SPEM2: variants seen among roughly 807,000 people sequenced by gnomAD.
SPEM2 encodes uncharacterized protein SPEM2.
Under a neutral mutation model 9.3 loss-of-function variants are expected in SPEM2, and 15 were observed. The ratio of observed to expected loss-of-function variants is 1.62; its 90% CI spans 1.08 to 2.50. The LOEUF (loss-of-function observed/expected upper bound fraction) is 2.50, where lower values mean the gene tolerates loss of function less well. SPEM2 is among the 30% of genes most tolerant of loss of function. SPEM2 has a pLI of 0.00. For missense variants in SPEM2, 678 were observed against 690.0 expected (o/e 0.98, Z 0.19); for synonymous variants, 268 against 272.4 (o/e 0.98, Z 0.16).
chr17:7,426,912 G>C lies in SPEM2; in HGVS notation c.921G>C (p.Leu307=), dbSNP rs374526288. The change falls in exon 3 of 3, where the codon CTG becomes CTC. Residue 307 remains leucine, a synonymous_variant. Coordinates refer to ENST00000333870, the MANE Select transcript of SPEM2 (RefSeq NM_175734.5). This position sits in a 1 kb window ranked among gnomAD's most constrained non-coding sequence, Gnocchi z 5.3. ...HSPYPSVGWM[L]YDSWDQRRRG... ...CTTACCCCTCAGTGGGCTGGATGCTGTATGACTCCTGGGATCAGCGGCGTC... is the reference window on the plus strand; with the variant it reads ...CTTACCCCTCAGTGGGCTGGATGCTCTATGACTCCTGGGATCAGCGGCGTC... The C allele has an allele frequency of 1.7e-5, 28 of 1,613,260 alleles. No individual in the cohort carries two copies. The highest frequency in any genetic ancestry group is 2.4e-5 in the Non-Finnish European group (28 of 1,180,018).
chr17:7,426,784 T>C lies in SPEM2; in HGVS notation c.793T>C (p.Ser265Pro). 1 of 1,602,596 alleles carries C rather than the reference T, an allele frequency of 6.2e-7. No individual in the cohort carries two copies. Among genetic ancestry groups the C allele is most frequent in the South Asian group, 1.1e-5 (1 of 89,576 alleles). ...GTCCTATGGGCGCCACGGTTCCCAA[T>C]CCCGACTGTGGGGCAATGTGGAGGC... ...LQSYGRHGSQ[S>P]RLWGNVEAEQ... The change falls in exon 3 of 3, where the codon TCC becomes CCC. Residue 265 changes from serine (S) to proline (P), a missense_variant. Ser to Pro is a moderately conservative substitution (Grantham distance 74). Transcript: ENST00000333870. This position sits in a 1 kb window ranked among gnomAD's most constrained non-coding sequence, Gnocchi z 5.3.
chr17:7,425,954 C>CGA, intron 1 of SPEM2, 39 bp from the exon 2 acceptor site: 1 of 1,613,482 alleles, frequency 6.2e-7, no homozygotes, highest in East Asian at 2.2e-5. Flanking sequence ...GTGCTGGGCG[C>CGA]GGAGGGCCTG....
Position 7,426,151 on chromosome 17 carries a change from C to A in SPEM2, c.197-37C>A. 1 of 1,613,596 alleles carries A rather than the reference C, an allele frequency of 6.2e-7. No homozygotes were observed. The highest frequency in any genetic ancestry group is 8.5e-7 in the Non-Finnish European group (1 of 1,179,664). On this transcript the variant is annotated intron_variant, in intron 2 of 2. Coordinates refer to ENST00000333870, the MANE Select transcript of SPEM2 (RefSeq NM_175734.5). This position sits in a 1 kb window ranked among gnomAD's most constrained non-coding sequence, Gnocchi z 5.3. ...TGTTCCCAACCTTGAGCTCTTCTGA[C>A]AATTGCCCTGACTTCATGGACTCTT...
chr17:7,426,301 T>G lies in SPEM2; in HGVS notation c.310T>G (p.Tyr104Asp). The G allele has an allele frequency of 6.2e-7, 1 of 1,614,160 alleles. No individual in the cohort carries two copies. Among genetic ancestry groups the G allele is most frequent in the South Asian group, 1.1e-5 (1 of 91,084 alleles). The change falls in exon 3 of 3, where the codon TAC (tyrosine) becomes GAC (aspartate). Residue 104 changes from tyrosine (Y) to aspartate (D), a missense_variant. Tyr to Asp is a radical substitution (Grantham distance 160, BLOSUM62 -3). Coordinates refer to ENST00000333870, the MANE Select transcript of SPEM2 (RefSeq NM_175734.5). The surrounding 1 kb of genome is among the most constrained non-coding windows in gnomAD (Gnocchi z 5.3). ...VQVKMSRPTQYSSFSCHHFSN... is the reference protein window; with the variant it reads ...VQVKMSRPTQDSSFSCHHFSN... ...GGTGAAGATGTCCCGACCCACGCAG[T>G]ACTCCTCTTTCTCCTGCCACCATTT...
At position 7,427,446 on chromosome 17, in the gene SPEM2, C is replaced by A; in HGVS notation, c.1455C>A (p.Thr485=). ...CCAGCTCACTGCCACCGGCTTCCAC[C>A]TCCACCTTGAGGCCCTCTCTGCACA... is the stretch of plus-strand genomic sequence containing the variant. ...ARSSSLPPAS[T]STLRPSLHRS... The change falls in exon 3 of 3, where the codon ACC becomes ACA. Residue 485 remains threonine (T), a synonymous_variant. Transcript: ENST00000333870. The surrounding 1 kb of genome is among the most constrained non-coding windows in gnomAD (Gnocchi z 5.4). The A allele has an allele frequency of 6.2e-7, 1 of 1,605,316 alleles. No homozygotes were observed.
chr17:7,426,176 T>C lies in SPEM2; in HGVS notation c.197-12T>C. 6.2e-7 allele frequency: 1 copy of C among 1,613,094 alleles called. No individual in the cohort carries two copies. The highest frequency in any genetic ancestry group is 1.1e-5 in the South Asian group (1 of 91,056). On this transcript the variant is annotated splice_polypyrimidine_tract_variant and intron_variant, in intron 2 of 2. Transcript: ENST00000333870. The surrounding 1 kb of genome is among the most constrained non-coding windows in gnomAD (Gnocchi z 5.3). ...CAATTGCCCTGACTTCATGGACTCTTGCCTTCCCCAGATGAAATTCAGGCC... is the reference window on the plus strand; with the variant it reads ...CAATTGCCCTGACTTCATGGACTCTCGCCTTCCCCAGATGAAATTCAGGCC...
chr17:7,426,022 C>G lies in SPEM2; in HGVS notation c.168C>G (p.Asp56Glu). 6.2e-7 allele frequency: 1 copy of G among 1,614,208 alleles called. No homozygotes were observed. Among genetic ancestry groups the G allele is most frequent in the African/African-American group, 1.3e-5 (1 of 75,056 alleles). Reference protein sequence around the residue: ...MMWHGLQNALDKMIDWATQKN... With the variant: ...MMWHGLQNALEKMIDWATQKN... ...GGCATGGACTCCAGAACGCCTTAGA[C>G]AAGATGATTGATTGGGCTACTCAGA... Residue 56 changes from aspartate (D) to glutamate (E), a missense_variant, in exon 2 of 3, where the codon GAC (aspartate) becomes GAG (glutamate). Physicochemically the swap from Asp to Glu is conservative, Grantham distance 45. Coordinates refer to ENST00000333870, the MANE Select transcript of SPEM2 (RefSeq NM_175734.5). The surrounding 1 kb of genome is among the most constrained non-coding windows in gnomAD (Gnocchi z 5.3).
rs763672128 is a variant in SPEM2, at chr17:7,427,437, G to A, written c.1446G>A (p.Pro482=). The A allele has an allele frequency of 3.2e-5, 51 of 1,607,964 alleles. 1 individual carries two copies. The highest frequency in any genetic ancestry group is 3.7e-5 in the Non-Finnish European group (44 of 1,176,294). ...GAGCCAGGTCCAGCTCACTGCCACC[G>A]GCTTCCACCTCCACCTTGAGGCCCT... ...KSRARSSSLP[P]ASTSTLRPSL... is the part of the protein sequence containing the mutation. The change falls in exon 3 of 3, where the codon CCG becomes CCA. Residue 482 remains proline (P), a synonymous_variant. Transcript: ENST00000333870. This position sits in a 1 kb window ranked among gnomAD's most constrained non-coding sequence, Gnocchi z 5.4.
chr17:7,426,962 C>T lies in SPEM2; in HGVS notation c.971C>T (p.Pro324Leu), dbSNP rs751726895. 3 of 1,612,272 alleles carry T rather than the reference C, an allele frequency of 1.9e-6. No individual in the cohort carries two copies. Among genetic ancestry groups the T allele is most frequent in the Admixed American group, 1.7e-5 (1 of 59,968 alleles). Residue 324 changes from proline (P) to leucine (L), a missense_variant, in exon 3 of 3, where the codon CCC becomes CTC. By Grantham distance (98) the Pro-to-Leu change is moderately conservative. Transcript: ENST00000333870. The surrounding 1 kb of genome is among the most constrained non-coding windows in gnomAD (Gnocchi z 5.3). Reference sequence around the variant, plus strand: ...CGTGGCACGGAGGGCTTTGAGCGCCCCCCTGCCTCGGTGTCCCGGAACGCC... The same window carrying T: ...CGTGGCACGGAGGGCTTTGAGCGCCTCCCTGCCTCGGTGTCCCGGAACGCC... ...RRRGTEGFERPPASVSRNARP... is the reference protein window; with the variant it reads ...RRRGTEGFERLPASVSRNARP...
rs776668655 is a variant in SPEM2, at chr17:7,427,505, G to A, written c.*8G>A. 7.7e-6 allele frequency: 12 copies of A among 1,559,072 alleles called. No homozygotes were observed. The highest frequency in any genetic ancestry group is 7.8e-6 in the Non-Finnish European group (9 of 1,151,288). On this transcript the variant is annotated 3_prime_UTR_variant, in exon 3 of 3. Coordinates refer to ENST00000333870, the MANE Select transcript of SPEM2 (RefSeq NM_175734.5). The surrounding 1 kb of genome is among the most constrained non-coding windows in gnomAD (Gnocchi z 5.4). ...ACCGAGAAACTCAACTGACCAGCAG[G>A]CGGATGTGGGGTGTGGGGCAGGGCA...
In SPEM2 at chr17:7,425,778, G is replaced by A; in HGVS notation, c.90G>A (p.Leu30=). Residue 30 remains leucine (L), a synonymous_variant, in exon 1 of 3, where the codon CTG becomes CTA. Transcript: ENST00000333870. Reference sequence around the variant, plus strand: ...ATGCCGAGGACATCTTACTCCTGCTGCTGGGCCTCATCGTTCTTGTCAACA... The same window carrying A: ...ATGCCGAGGACATCTTACTCCTGCTACTGGGCCTCATCGTTCTTGTCAACA... ...PHDAEDILLL[L]LGLIVLVNIG... is the part of the protein sequence containing the mutation. The A allele has an allele frequency of 6.2e-7, 1 of 1,614,220 alleles. No individual in the cohort carries two copies.
chr17:7,426,231 C>G lies in SPEM2; in HGVS notation c.240C>G (p.Asp80Glu). 6.2e-7 allele frequency: 1 copy of G among 1,614,028 alleles called. No homozygotes were observed. The highest frequency in any genetic ancestry group is 8.5e-7 in the Non-Finnish European group (1 of 1,179,916). ...AAAGTCCCCCAAGTGGTCCCCCAGA[C>G]AAGGCTCAGGATGTCCACATCCACT... ...ASESPPSGPP[D>E]KAQDVHIHCI... Residue 80 changes from aspartate (D) to glutamate (E), a missense_variant, in exon 3 of 3, where the codon GAC (aspartate) becomes GAG (glutamate). By Grantham distance (45) the Asp-to-Glu change is conservative. Coordinates refer to ENST00000333870, the MANE Select transcript of SPEM2 (RefSeq NM_175734.5). This position sits in a 1 kb window ranked among gnomAD's most constrained non-coding sequence, Gnocchi z 5.3.
Position 7,425,699 on chromosome 17 carries a change from A to G in SPEM2, c.11A>G (p.Gln4Arg), listed in dbSNP as rs754420378. Residue 4 changes from glutamine (Q) to arginine (R), a missense_variant, in exon 1 of 3, where the codon CAG (glutamine) becomes CGG (arginine). Transcript: ENST00000333870. ...TAGGACCCCCCCTCCATGGAAAACC[A>G]GCTATGGCATAACACCGTGAGATGT... is the stretch of plus-strand genomic sequence containing the variant. The part of the protein sequence containing the change: MEN[Q>R]LWHNTVRCCN... 5 of 1,613,898 alleles carry G rather than the reference A, an allele frequency of 3.1e-6. No individual in the cohort carries two copies. The highest frequency in any genetic ancestry group is 1.7e-5 in the Admixed American group (1 of 60,002).
rs201460109 is a variant in SPEM2, at chr17:7,427,127, G to A, written c.1136G>A (p.Arg379His). 61 of 1,611,792 alleles carry A rather than the reference G, an allele frequency of 3.8e-5. 1 individual carries two copies. In the South Asian group the frequency reaches 5.3e-4, roughly 14 times the overall value. ...EPLGYSSQDP[R>H]EVRRRAADWA... ...TTGGGCTACAGCTCCCAGGACCCCC[G>A]TGAGGTGCGGCGTCGGGCAGCTGAC... is the stretch of plus-strand genomic sequence containing the variant. Residue 379 changes from arginine to histidine, a missense_variant, in exon 3 of 3, where the codon CGT becomes CAT. Coordinates refer to ENST00000333870, the MANE Select transcript of SPEM2 (RefSeq NM_175734.5). This position sits in a 1 kb window ranked among gnomAD's most constrained non-coding sequence, Gnocchi z 5.4.
rs139959375 is a variant in SPEM2 at position 7,427,170 on chromosome 17, C to T, written c.1179C>T (p.Pro393=). The change falls in exon 3 of 3, where the codon CCC becomes CCT. Residue 393 remains proline (P), a synonymous_variant. Transcript: ENST00000333870. This position sits in a 1 kb window ranked among gnomAD's most constrained non-coding sequence, Gnocchi z 5.4. ...CAGCTGACTGGGCTGAGGCTCTGCCCGCCTGGCGTCCTCTGACTACCTCTG... is the reference window on the plus strand; with the variant it reads ...CAGCTGACTGGGCTGAGGCTCTGCCTGCCTGGCGTCCTCTGACTACCTCTG... ...RRAADWAEAL[P]AWRPLTTSAS... The T allele has an allele frequency of 5.8e-3, 9,284 of 1,613,934 alleles. 42 individuals are homozygous for T. The highest frequency in any genetic ancestry group is 0.021 in the African/African-American group (1,575 of 75,050).
Position 7,426,620 on chromosome 17 carries a change from C to A in SPEM2, c.629C>A (p.Ala210Glu). 1 of 1,613,992 alleles carries A rather than the reference C, an allele frequency of 6.2e-7. No individual in the cohort carries two copies. The highest frequency in any genetic ancestry group is 8.5e-7 in the Non-Finnish European group (1 of 1,179,938). ...RRGWGGFYQR[A>E]GLPSNVGLWG... ...GGCTGGGGCGGGTTTTATCAGAGAG[C>A]GGGCCTGCCCTCCAATGTGGGGCTG... The change falls in exon 3 of 3, where the codon GCG becomes GAG. Residue 210 changes from alanine (A) to glutamate (E), a missense_variant. Ala to Glu is a moderately radical substitution (Grantham distance 107). Coordinates refer to ENST00000333870, the MANE Select transcript of SPEM2 (RefSeq NM_175734.5). This position sits in a 1 kb window ranked among gnomAD's most constrained non-coding sequence, Gnocchi z 5.3.
In SPEM2 at chr17:7,426,289, C is replaced by G; in HGVS notation, c.298C>G (p.Arg100Gly). 1 of 1,614,152 alleles carries G rather than the reference C, an allele frequency of 6.2e-7. No individual in the cohort carries two copies. The highest frequency in any genetic ancestry group is 8.5e-7 in the Non-Finnish European group (1 of 1,180,028). Reference sequence around the variant, plus strand: ...GGACCCTGTGCAGGTGAAGATGTCCCGACCCACGCAGTACTCCTCTTTCTC... The same window carrying G: ...GGACCCTGTGCAGGTGAAGATGTCCGGACCCACGCAGTACTCCTCTTTCTC... ...ILDPVQVKMS[R>G]PTQYSSFSCH... Residue 100 changes from arginine to glycine, a missense_variant, in exon 3 of 3, where the codon CGA becomes GGA. Physicochemically the swap from Arg to Gly is moderately radical, Grantham distance 125. Transcript: ENST00000333870. The surrounding 1 kb of genome is among the most constrained non-coding windows in gnomAD (Gnocchi z 5.3).
At position 7,426,388 on chromosome 17, in the gene SPEM2, C is replaced by T. The variant is rs369616873; in HGVS notation, c.397C>T (p.Arg133Cys). Residue 133 changes from arginine to cysteine, a missense_variant, in exon 3 of 3, where the codon CGT becomes TGT. Arg to Cys is a radical substitution (Grantham distance 180). Transcript: ENST00000333870. This position sits in a 1 kb window ranked among gnomAD's most constrained non-coding sequence, Gnocchi z 5.3. ...TCGTCGCCGCCGCCGCCGCCACCGCCGTTGTCGCCGTCGCTGCTGCAACCA... is the reference window on the plus strand; with the variant it reads ...TCGTCGCCGCCGCCGCCGCCACCGCTGTTGTCGCCGTCGCTGCTGCAACCA... Reference protein sequence around the residue: ...CVRRRRRRHRRCRRRCCNHQQ... With the variant: ...CVRRRRRRHRCCRRRCCNHQQ... The T allele has an allele frequency of 8.2e-5, 133 of 1,613,442 alleles. No individual in the cohort carries two copies. In the African/African-American group the frequency reaches 1.1e-3, roughly 13 times the overall value.
In SPEM2 at chr17:7,426,984, CG is replaced by C; in HGVS notation, c.994del (p.Ala332ProfsTer67). Reference protein sequence around the residue: ...ERPPASVSRNARPEAQGCREH... With the variant: ...ERPPASVSRNXRPEAQGCREH... ...GCCCCCCTGCCTCGGTGTCCCGGAA[CG>C]CCCGGCCTGAGGCCCAGGGCTGCCG... On this transcript the variant is annotated frameshift_variant, in exon 3 of 3. Coordinates refer to ENST00000333870, the MANE Select transcript of SPEM2 (RefSeq NM_175734.5). LOFTEE classifies it low-confidence loss of function (END_TRUNC). The surrounding 1 kb of genome is among the most constrained non-coding windows in gnomAD (Gnocchi z 5.3). 6.2e-7 allele frequency: 1 copy of C among 1,611,530 alleles called. No homozygotes were observed. Among genetic ancestry groups the C allele is most frequent in the Non-Finnish European group, 8.5e-7 (1 of 1,179,756 alleles).
Sources: allele counts gnomAD v4.1 joint callset, GRCh38; gene constraint gnomAD v4.1.1; non-coding constraint Gnocchi (gnomAD v3.1); transcripts MANE v1.5; gene names NCBI Gene and HGNC (gene_info 2026-07-23, HGNC 2026-07-21).